The following GIN1 variants were observed in gnomAD, a reference collection of about 807,000 sequenced individuals.
GIN1 encodes the protein gypsy retrotransposon integrase-like protein 1.
GIN1 carries 41 observed loss-of-function variants against 51.4 expected under a neutral mutation model. The observed-to-expected ratio is 0.80, with a 90% confidence interval of 0.62 to 1.04. The LOEUF (loss-of-function observed/expected upper bound fraction) is 1.04. Among genes scored for constraint, GIN1 ranks in the 50% least tolerant of loss-of-function variants. The probability of loss-of-function intolerance (pLI) is 0.00; values close to 1 mark genes in which losing one functional copy is unlikely to be tolerated. For synonymous variants in GIN1, 222 were observed against 206.5 expected, an observed-to-expected ratio of 1.07 and a Z score of -0.64; for missense variants, 610 against 612.4, an observed-to-expected ratio of 1.00 and a Z score of 0.04.
At chr5:103,098,933 C>T (rs1787487041) in intron 4 of GIN1, among the ~76,000 whole-genome samples, 1 of 152,064 alleles carries the variant, frequency 6.6e-6, no homozygotes. Context: ...AATGAGTTTA[C>T]AAAACTTTTA....
At chr5:103,116,128 C>G (rs1175118927) in intron 1 of GIN1, among the ~76,000 whole-genome samples, 2 of 152,074 alleles carry the variant, frequency 1.3e-5, no homozygotes, top group African/African-American at 2.4e-5. Flanking sequence ...CAGAAACTGA[C>G]AGGCTGATTC....
intron 7 of GIN1, among the ~76,000 whole-genome samples, chr5:103,089,414 T>C (rs1554194285): frequency 1.3e-5 from 2 of 151,818 alleles, no homozygotes; most frequent in African/African-American, 2.4e-5. Context: ...TAGATATATT[T>C]ATTTATCTTT....
Position 103,086,656 on chromosome 5 carries a change from T to C in GIN1, c.*1242A>G, listed in dbSNP as rs1474956658. 6.6e-6 allele frequency: 1 copy of C among 152,246 alleles called. No individual in the cohort carries two copies. The highest frequency in any genetic ancestry group is 1.5e-5 in the Non-Finnish European group (1 of 68,048). The allele number at this position is 152,246 out of a possible 1,614,324, so 9.4% of individuals were successfully genotyped here. On this transcript the variant is annotated 3_prime_UTR_variant, in exon 8 of 8. Coordinates refer to ENST00000399004, the MANE Select transcript of GIN1 (RefSeq NM_017676.2). ...CATAAGGATAAACACAAATTTCCTA[T>C]GTAAAAACAACTTCTCTCTTTTTGC...
intron 1 of GIN1, among the ~76,000 whole-genome samples, chr5:103,111,660 A>C (rs1225118873): frequency 8.5e-5 from 13 of 152,202 alleles, no homozygotes; most frequent in Non-Finnish European, 1.9e-4. Context: ...TACAGGCCCC[A>C]AAACACAGAG....
intron 1 of GIN1, among the ~76,000 whole-genome samples, chr5:103,109,718 A>T (rs1554196714): frequency 6.6e-6 from 1 of 152,278 alleles, no homozygotes; most frequent in African/African-American, 2.4e-5. Flanking sequence ...ATTCACTTCC[A>T]ATTGATTATT....
intron 4 of GIN1, among the ~76,000 whole-genome samples, chr5:103,099,865 A>G (rs1297559262): frequency 6.6e-6 from 1 of 152,198 alleles, no homozygotes; most frequent in South Asian, 2.1e-4. Context: ...TTTTTATTCA[A>G]CTATACAATA....
In GIN1 at chr5:103,104,808, T is replaced by C. The variant is rs181329325; in HGVS notation, c.372A>G (p.Thr124=). ...GGTGCTGTTTCGGTGCTACAATAAC[T>C]GTATTTTTTGCCACTTGGCAATGCT... The part of the protein sequence containing the change: ...ACQHCQVAKN[T]VIVAPKQHLL... Residue 124 remains threonine (T), a synonymous_variant, in exon 4 of 8, where the codon ACA becomes ACG. Transcript: ENST00000399004. 1,128 of 1,608,788 alleles carry C rather than the reference T, an allele frequency of 7.0e-4. 12 individuals carry two copies. Among genetic ancestry groups the C allele is most frequent in the Non-Finnish European group, 6.8e-5 (80 of 1,176,978 alleles).
At position 103,111,175 on chromosome 5, in the gene GIN1, C is replaced by T. The variant is rs79571581; in HGVS notation, c.-7-2461G>A. On this transcript the variant is annotated intron_variant, in intron 1 of 7. Transcript: ENST00000399004. ...ATTCTAGCTCTGCATTAATCGTCCT[C>T]AACTCTTAAAAAAAAAAGAAACCAA... Among the ~76,000 whole-genome samples, 1,141 of 143,828 alleles carry T rather than the reference C, an allele frequency of 7.9e-3. 15 individuals are homozygous for T. Among genetic ancestry groups the T allele is most frequent in the African/African-American group, 0.026 (1,058 of 40,822 alleles). The allele number at this position is 143,828 out of a possible 152,430, so 94.4% of individuals were successfully genotyped here. A position where few individuals can be genotyped will look rare whatever the true frequency, so the allele number is the denominator to read the frequency against.
rs550409046 is a variant in GIN1, at chr5:103,104,248, C to T, written c.639+293G>A. ...GATTATAGGCATGAGCCAGGCCCAA[C>T]CAATCATGGGTTTTTAATCTAGAAG... On this transcript the variant is annotated intron_variant, in intron 4 of 7. Transcript: ENST00000399004. Among the ~76,000 whole-genome samples the T allele has an allele frequency of 3.3e-5, 5 of 152,242 alleles. No individual in the cohort carries two copies. The South Asian group carries it at 1.0e-3, about 32-fold the overall frequency.
intron 3 of GIN1, 23 bp from the exon 4 acceptor site, chr5:103,104,869 A>G (rs782056634): frequency 1.5e-5 from 22 of 1,428,392 alleles, no homozygotes; most frequent in Admixed American, 2.1e-5. Flanking sequence ...CACAATAAAG[A>G]AAACACATAC....
At chr5:103,098,933 CA>C (rs1187927334) in intron 4 of GIN1, among the ~76,000 whole-genome samples, 1 of 152,064 alleles carries the variant, frequency 6.6e-6, no homozygotes, top group Non-Finnish European at 1.5e-5. Context: ...AATGAGTTTA[CA>C]AAACTTTTAA....
intron 1 of GIN1, among the ~76,000 whole-genome samples, chr5:103,119,862 C>T (rs1468168516): frequency 1.3e-5 from 2 of 152,184 alleles, no homozygotes; most frequent in East Asian, 1.9e-4. Flanking sequence ...AAACAGCACT[C>T]GCCCTTTCTG....
intron 4 of GIN1, among the ~76,000 whole-genome samples, chr5:103,101,421 G>T (rs1554195784): frequency 2.6e-5 from 4 of 152,222 alleles, no homozygotes; most frequent in Non-Finnish European, 5.9e-5. Context: ...TTGGACTGCA[G>T]TTGACTATAG....
At chr5:103,088,622 T>C (rs576650163) in intron 7 of GIN1, among the ~76,000 whole-genome samples, 105 of 152,174 alleles carry the variant, frequency 6.9e-4, no homozygotes, top group South Asian at 1.2e-3. Context: ...GCGAAACCCC[T>C]TCTCTACAAA....
At chr5:103,089,280 G>A (rs1554194260) in intron 7 of GIN1, among the ~76,000 whole-genome samples, 1 of 151,994 alleles carries the variant, frequency 6.6e-6, no homozygotes, top group East Asian at 1.9e-4. Context: ...ATGTATAAAA[G>A]GATTCCTCCC....
intron 7 of GIN1, among the ~76,000 whole-genome samples, chr5:103,088,688 G>A (rs1554194204): frequency 6.6e-6 from 1 of 152,110 alleles, no homozygotes; most frequent in Non-Finnish European, 1.5e-5. Context: ...TAGCTACTTA[G>A]GAGGCTGAGA....
At chr5:103,111,182 T>TA (rs59588450) in intron 1 of GIN1, among the ~76,000 whole-genome samples, 38,023 of 149,334 alleles carry the variant, frequency 0.25, 5,306 homozygotes, top group East Asian at 0.45. Context: ...CCTCAACTCT[T>TA]AAAAAAAAAA....
intron 7 of GIN1, among the ~76,000 whole-genome samples, chr5:103,095,902 G>A (rs1787378469): frequency 6.6e-6 from 1 of 151,996 alleles, no homozygotes; most frequent in Non-Finnish European, 1.5e-5. Flanking sequence ...CCAGCCTGGG[G>A]GACAGAATGA....
At chr5:103,117,194 C>G (rs1293456815) in intron 1 of GIN1, among the ~76,000 whole-genome samples, 7 of 151,908 alleles carry the variant, frequency 4.6e-5, no homozygotes, top group African/African-American at 1.5e-4. Flanking sequence ...TACTGGAATA[C>G]TATTAAGGAT....
Sources: allele counts gnomAD v4.1 joint callset (sites outside exome capture counted in the v4.1 genomes callset), GRCh38; gene constraint gnomAD v4.1.1; transcripts MANE v1.5; gene names NCBI Gene and HGNC (gene_info 2026-07-23, HGNC 2026-07-21).